The following CDS1 variants were observed in gnomAD, a reference collection of about 807,000 sequenced individuals.
The protein encoded by CDS1 is CDP-diacylglycerol synthase 1.
CDS1 carries 41 observed loss-of-function variants against 62.1 expected under a neutral mutation model. The observed-to-expected ratio is 0.66, with a 90% CI of 0.51 to 0.86. The LOEUF is 0.86. Ranked by LOEUF, CDS1 falls within the 40% of genes least tolerant of loss-of-function variation. The probability of loss-of-function intolerance (pLI) is 0.00; values close to 1 mark genes in which losing one functional copy is unlikely to be tolerated. For missense variants in CDS1, 470 were observed against 550.1 expected (o/e 0.85, Z 1.46); for synonymous variants, 185 against 192.6 (o/e 0.96, Z 0.32).
In CDS1 at chr4:84,630,588, T is replaced by C. The variant is rs572415597; in HGVS notation, c.581-1231T>C. Among the ~76,000 whole-genome samples the C allele has an allele frequency of 3.9e-5, 6 of 152,328 alleles. No individual in the cohort carries two copies. In the South Asian group the frequency reaches 1.2e-3, roughly 32 times the overall value. ...ACTTGGATGTACAAAGTCTAGTATT[T>C]ATACAGAAATTGATCAACTGAAAAT... On this transcript the variant is annotated intron_variant, in intron 5 of 12. Coordinates refer to ENST00000295887, the MANE Select transcript of CDS1 (RefSeq NM_001263.4).
At chr4:84,599,404 A>AT (rs1722857281) in intron 1 of CDS1, among the ~76,000 whole-genome samples, 2 of 6,612 alleles carry the variant, frequency 3.0e-4, no homozygotes, top group Non-Finnish European at 8.3e-4. Flanking sequence ...ACACACACAC[A>AT]CATATATATA....
chr4:84,646,262 TC>T (rs1171209243), intron 12 of CDS1, among the ~76,000 whole-genome samples: 1 of 152,196 alleles, frequency 6.6e-6, no homozygotes, highest in Admixed American at 6.5e-5. Context: ...ATTTCATTAA[TC>T]TTTTCAAAAA....
At chr4:84,607,432 C>G (rs1187010949) in intron 2 of CDS1, among the ~76,000 whole-genome samples, 2 of 151,270 alleles carry the variant, frequency 1.3e-5, no homozygotes, top group African/African-American at 4.9e-5. Flanking sequence ...CCTCTCCCCC[C>G]ACTCCCCCCG....
In CDS1 at chr4:84,631,182, C is replaced by T. The variant is rs371324823; in HGVS notation, c.581-637C>T. Among the ~76,000 whole-genome samples, 17 of 152,222 alleles carry T rather than the reference C, an allele frequency of 1.1e-4. No homozygotes were observed. In the South Asian group the frequency reaches 1.7e-3, roughly 15 times the overall value. ...TTGCTGATCTCAGTTCATGGAACCA[C>T]GTGACTCTTAAGGGTCAATAGGATT... is the stretch of plus-strand genomic sequence containing the variant. On this transcript the variant is annotated intron_variant, in intron 5 of 12. Transcript: ENST00000295887.
chr4:84,586,640 CA>C (rs1463827888), intron 1 of CDS1, among the ~76,000 whole-genome samples: 2 of 152,174 alleles, frequency 1.3e-5, no homozygotes, highest in Non-Finnish European at 2.9e-5. Flanking sequence ...CCAACAGGCC[CA>C]GTTCCTAACA....
chr4:84,595,778 T>C (rs1326611266), intron 1 of CDS1, among the ~76,000 whole-genome samples: 1 of 152,230 alleles, frequency 6.6e-6, no homozygotes, highest in East Asian at 1.9e-4. Context: ...GTGAAACTCC[T>C]TAATTTTCTC....
intron 12 of CDS1, 138 bp from the exon 13 acceptor site, chr4:84,648,419 A>G (rs894737956): frequency 9.8e-6 from 7 of 713,296 alleles, no homozygotes; most frequent in African/African-American, 5.4e-5. Flanking sequence ...AAAGTGAGCT[A>G]TTATCAAGAG....
Position 84,635,339 on chromosome 4 carries a change from TC to T in CDS1, c.800del (p.Pro267HisfsTer2). 1 of 1,528,756 alleles carries T rather than the reference TC, an allele frequency of 6.5e-7. No individual in the cohort carries two copies. The highest frequency in any genetic ancestry group is 9.0e-7 in the Non-Finnish European group (1 of 1,107,110). The allele number at this position is 1,528,756 out of a possible 1,614,324, so 94.7% of individuals were successfully genotyped here. Reference sequence around the variant, plus strand: ...TTTTTGGATTTTTTTTTGGGAGAACTCCATTAATTAAGGTAATGGAAAAATT... The same window carrying T: ...TTTTTGGATTTTTTTTTGGGAGAACTCATTAATTAAGGTAATGGAAAAATT... ...YLFGFFFGRT[P>X]LIKLSPKKTW... On this transcript the variant is annotated frameshift_variant, in exon 8 of 13. Coordinates refer to ENST00000295887, the MANE Select transcript of CDS1 (RefSeq NM_001263.4). LOFTEE classifies it high-confidence loss of function.
At chr4:84,599,819 T>C (rs974230176) in intron 1 of CDS1, among the ~76,000 whole-genome samples, 2 of 152,162 alleles carry the variant, frequency 1.3e-5, no homozygotes, top group Non-Finnish European at 2.9e-5. Flanking sequence ...TTTGGAGCTA[T>C]TGCGAGTAAA....
chr4:84,599,422 A>ATT (rs1271823946), intron 1 of CDS1, among the ~76,000 whole-genome samples: 1 of 19,892 alleles, frequency 5.0e-5, no homozygotes, highest in African/African-American at 1.4e-4. Context: ...ATATATATAT[A>ATT]TATATATATA....
intron 1 of CDS1, among the ~76,000 whole-genome samples, chr4:84,599,941 T>A (rs1722885818): frequency 6.6e-6 from 1 of 152,142 alleles, no homozygotes; most frequent in East Asian, 1.9e-4. Context: ...TATATGTAAT[T>A]TTTAAAAAAA....
intron 5 of CDS1, among the ~76,000 whole-genome samples, chr4:84,619,739 A>G (rs1224853197): frequency 3.3e-5 from 5 of 152,142 alleles, no homozygotes; most frequent in Non-Finnish European, 7.4e-5. Flanking sequence ...GTGCTTGTTA[A>G]GAATCACTCC....
chr4:84,641,276 A>G (rs1280869059), intron 10 of CDS1, among the ~76,000 whole-genome samples: 1 of 152,104 alleles, frequency 6.6e-6, no homozygotes, highest in East Asian at 1.9e-4. Flanking sequence ...ATGTTGGCCA[A>G]TCTGGTCTCA....
At chr4:84,632,698 A>C (rs889154240) in intron 6 of CDS1, among the ~76,000 whole-genome samples, 13 of 152,244 alleles carry the variant, frequency 8.5e-5, no homozygotes, top group Admixed American at 6.5e-5. Flanking sequence ...CATCTATTGG[A>C]AAAAATTTAA....
intron 1 of CDS1, among the ~76,000 whole-genome samples, chr4:84,597,948 A>G (rs1722802232): frequency 6.6e-6 from 1 of 151,862 alleles, no homozygotes; most frequent in Non-Finnish European, 1.5e-5. Context: ...AAAACAGTGA[A>G]ACCCCGTCTC....
chr4:84,623,852 C>A (rs1723767389), intron 5 of CDS1, among the ~76,000 whole-genome samples: 1 of 152,046 alleles, frequency 6.6e-6, no homozygotes, highest in Non-Finnish European at 1.5e-5. Context: ...CTTTTCATGA[C>A]TGCAGTTCGT....
At chr4:84,637,094 A>AG (rs1724235500) in intron 8 of CDS1, among the ~76,000 whole-genome samples, 1 of 152,082 alleles carries the variant, frequency 6.6e-6, no homozygotes, top group Admixed American at 6.5e-5. Context: ...CCTCTTGGGG[A>AG]GGAGCTCACA....
rs1214957051 is a variant in CDS1 at position 84,635,574 on chromosome 4, T to TCTGCCTGCCTGC, written c.810+266_810+277dup. Among the ~76,000 whole-genome samples, 553 of 102,022 alleles carry TCTGCCTGCCTGC rather than the reference T, an allele frequency of 5.4e-3. 37 individuals are homozygous for TCTGCCTGCCTGC. Among genetic ancestry groups the TCTGCCTGCCTGC allele is most frequent in the Middle Eastern group, 0.016 (3 of 188 alleles). The allele number at this position is 102,022 out of a possible 152,430, so 66.9% of individuals were successfully genotyped here. A position where few individuals can be genotyped will look rare whatever the true frequency, so the allele number is the denominator to read the frequency against. On this transcript the variant is annotated intron_variant, in intron 8 of 12. Transcript: ENST00000295887. ...CTCAGGAAGGGCATGACTCCATCAG[T>TCTGCCTGCCTGC]CTGCCTGCCTGCCTGCCTGCCTGCC...
chr4:84,636,536 G>T (rs764950375), intron 8 of CDS1, among the ~76,000 whole-genome samples: 1 of 151,942 alleles, frequency 6.6e-6, no homozygotes, highest in East Asian at 1.9e-4. Flanking sequence ...GTTTTTATTC[G>T]TTTTTGGAGA....
Sources: allele counts gnomAD v4.1 joint callset (sites outside exome capture counted in the v4.1 genomes callset), GRCh38; gene constraint gnomAD v4.1.1; transcripts MANE v1.5; gene names NCBI Gene and HGNC (gene_info 2026-07-23, HGNC 2026-07-21).